Variants in CDH13 observed in about 807,000 individuals in gnomAD.
CDH13 encodes cadherin 13, also known as cadherin-13.
Under a neutral mutation model 63.8 loss-of-function variants are expected in CDH13, and 24 were observed. The observed-to-expected ratio is 0.38, with a 90% CI of 0.27 to 0.53. CDH13 has a LOEUF of 0.53. Among genes scored for constraint, CDH13 ranks in the 20% least tolerant of loss-of-function variants. The pLI, the probability that CDH13 is intolerant of heterozygous loss-of-function variation, is 0.85. For synonymous variants in CDH13, 503 were observed against 355.3 expected (o/e 1.42, Z -4.67); for missense variants, 1,049 against 903.1 (o/e 1.16, Z -2.07).
At chr16:82,746,189 G>A (rs373599216) in intron 1 of CDH13, among the ~76,000 whole-genome samples, 1 of 112,058 alleles carries the variant, frequency 8.9e-6, no homozygotes, top group Admixed American at 8.2e-5. Flanking sequence ...TGCATGGTGT[G>A]TGTGTGTTTA....
intron 3 of CDH13, among the ~76,000 whole-genome samples, chr16:83,101,787 T>G (rs2034490827): frequency 6.6e-6 from 1 of 152,000 alleles, no homozygotes; most frequent in Middle Eastern, 3.2e-3. Flanking sequence ...GAGTGAGATT[T>G]CATCTCAATA....
At chr16:83,351,762 C>T (rs888989390) in intron 6 of CDH13, among the ~76,000 whole-genome samples, 1 of 152,182 alleles carries the variant, frequency 6.6e-6, no homozygotes, top group Non-Finnish European at 1.5e-5. Flanking sequence ...GGCGGATATG[C>T]CCTGTTATGT....
chr16:83,135,657 A>T (rs1356404089), intron 4 of CDH13, among the ~76,000 whole-genome samples: 2 of 152,252 alleles, frequency 1.3e-5, no homozygotes, highest in African/African-American at 4.8e-5. Context: ...CATTTGATCC[A>T]GCAATCCCAC....
chr16:83,163,160 A>C (rs1271919554), intron 4 of CDH13, among the ~76,000 whole-genome samples: 1 of 152,060 alleles, frequency 6.6e-6, no homozygotes, highest in Non-Finnish European at 1.5e-5. Context: ...CATGCCATTC[A>C]CCTTCCACCA....
At chr16:83,736,726 G>C (rs774011162) in intron 10 of CDH13, among the ~76,000 whole-genome samples, 14 of 152,202 alleles carry the variant, frequency 9.2e-5, no homozygotes, top group Non-Finnish European at 1.9e-4. Flanking sequence ...AAATGGACTA[G>C]CAAGCCCTGA....
chr16:83,366,616 G>C (rs982058825), intron 6 of CDH13, among the ~76,000 whole-genome samples: 1 of 152,144 alleles, frequency 6.6e-6, no homozygotes, highest in African/African-American at 2.4e-5. Context: ...CTGGTTTAAG[G>C]CTTGTACAAG....
At chr16:83,171,686 G>T (rs2037924395) in intron 4 of CDH13, 2 of 808,410 alleles carry the variant, frequency 2.5e-6, no homozygotes, top group Middle Eastern at 2.2e-4. Flanking sequence ...ATGCTCTTTG[G>T]CAGGCACGCC....
intron 4 of CDH13, among the ~76,000 whole-genome samples, chr16:83,150,255 T>G (rs1671688250): frequency 1.3e-5 from 2 of 152,348 alleles, no homozygotes; most frequent in South Asian, 4.1e-4. Flanking sequence ...TGTAAGTCAC[T>G]TAAGCAAACA....
At chr16:83,273,157 T>A (rs2088877211) in intron 5 of CDH13, among the ~76,000 whole-genome samples, 1 of 151,820 alleles carries the variant, frequency 6.6e-6, no homozygotes, top group Admixed American at 6.6e-5. Context: ...GCAAAATGGC[T>A]CTAAAATAAT....
chr16:82,761,487 A>G (rs1217531399), intron 1 of CDH13, among the ~76,000 whole-genome samples: 2 of 152,166 alleles, frequency 1.3e-5, no homozygotes, highest in South Asian at 2.1e-4. Context: ...CTTAGCTTTC[A>G]TGTTCTTTCT....
At chr16:82,637,243 T>A (rs1336557149) in intron 1 of CDH13, among the ~76,000 whole-genome samples, 1 of 152,154 alleles carries the variant, frequency 6.6e-6, no homozygotes, top group Non-Finnish European at 1.5e-5. Flanking sequence ...CAGTTCTGCA[T>A]GTTTTTGCAG....
chr16:83,465,830 C>A (rs997606308), intron 6 of CDH13, among the ~76,000 whole-genome samples: 7 of 152,234 alleles, frequency 4.6e-5, no homozygotes, highest in Non-Finnish European at 1.0e-4. Flanking sequence ...GAGGAAGCAT[C>A]TCACAAACTC....
intron 7 of CDH13, among the ~76,000 whole-genome samples, chr16:83,557,668 C>G (rs1000349231): frequency 6.6e-6 from 1 of 152,070 alleles, no homozygotes; most frequent in Non-Finnish European, 1.5e-5. Context: ...CTGGGAGGTA[C>G]TGGGAGGTGT....
chr16:82,821,704 A>G (rs1389605886), intron 1 of CDH13, among the ~76,000 whole-genome samples: 2 of 152,240 alleles, frequency 1.3e-5, no homozygotes, highest in Non-Finnish European at 2.9e-5. Flanking sequence ...GACCTTAAAC[A>G]ATAAAGGACT....
At chr16:83,260,252 A>C (rs1437218671) in intron 5 of CDH13, among the ~76,000 whole-genome samples, 1 of 152,036 alleles carries the variant, frequency 6.6e-6, no homozygotes, top group Non-Finnish European at 1.5e-5. Flanking sequence ...CTATAAATTG[A>C]TTTTATGATC....
intron 3 of CDH13, among the ~76,000 whole-genome samples, chr16:83,043,462 A>C (rs1917498244): frequency 6.6e-6 from 1 of 151,544 alleles, no homozygotes; most frequent in South Asian, 2.1e-4. Flanking sequence ...AATTAACTTT[A>C]ATAATTTATA....
intron 3 of CDH13, among the ~76,000 whole-genome samples, chr16:83,035,980 C>G (rs753631146): frequency 1.3e-5 from 2 of 152,050 alleles, no homozygotes; most frequent in Non-Finnish European, 2.9e-5. Flanking sequence ...CAACAGTATG[C>G]TAAGGGAAGC....
At chr16:83,427,992 C>G (rs1320856267) in intron 6 of CDH13, among the ~76,000 whole-genome samples, 1 of 152,210 alleles carries the variant, frequency 6.6e-6, no homozygotes, top group African/African-American at 2.4e-5. Flanking sequence ...GTAGCTGATC[C>G]TCTGGTCAGT....
chr16:83,305,940 C>G (rs1378117714), intron 5 of CDH13, among the ~76,000 whole-genome samples: 2 of 152,324 alleles, frequency 1.3e-5, no homozygotes, highest in East Asian at 3.9e-4. Context: ...GTGAACAATA[C>G]AGTGATCATT....
Sources: allele counts gnomAD v4.1 joint callset (sites outside exome capture counted in the v4.1 genomes callset), GRCh38; gene constraint gnomAD v4.1.1; transcripts MANE v1.5; gene names NCBI Gene and HGNC (gene_info 2026-07-23, HGNC 2026-07-21).